Variants in OR2T1 observed in about 807,000 individuals in gnomAD.
OR2T1 encodes the protein olfactory receptor 2T1.
For synonymous variants in OR2T1, 186 were observed against 145.4 expected, an observed-to-expected ratio of 1.28 and a Z score of -2.01; for missense variants, 440 against 390.2, an observed-to-expected ratio of 1.13 and a Z score of -1.07.
intron 1 of OR2T1, among the ~76,000 whole-genome samples, chr1:248,404,920 T>A (rs1259920740): frequency 6.6e-6 from 1 of 152,110 alleles, no homozygotes; most frequent in East Asian, 1.9e-4. Context: ...AATGCTGTCA[T>A]TGGTGAGAGG....
Position 248,407,084 on chromosome 1 carries a change from G to C in OR2T1, c.937G>C (p.Val313Leu). The C allele has an allele frequency of 1.3e-6, 2 of 1,591,644 alleles. No homozygotes were observed. Among genetic ancestry groups the C allele is most frequent in the Non-Finnish European group, 1.7e-6 (2 of 1,170,108 alleles). The change falls in exon 2 of 2, where the codon GTG (valine) becomes CTG (leucine). Residue 313 changes from valine to leucine, a missense_variant. By Grantham distance (32) the Val-to-Leu change is conservative. Transcript: ENST00000642005. ...ALGRFKGPQR[V>L]SGGVF ...GGGGAGGTTCAAGGGTCCTCAAAGG[G>C]TGTCAGGAGGTGTCTTTTGACAGTC... is the stretch of plus-strand genomic sequence containing the variant.
Position 248,407,056 on chromosome 1 carries a change from C to A in OR2T1, c.909C>A (p.Ala303=), listed in dbSNP as rs768786296. ...ATGTGACTGGAGCTCTGAAGAGGGC[C>A]TTGGGGAGGTTCAAGGGTCCTCAAA... ...NKDVTGALKR[A]LGRFKGPQRV... The change falls in exon 2 of 2, where the codon GCC becomes GCA. Residue 303 remains alanine, a synonymous_variant. Coordinates refer to ENST00000642005, the MANE Select transcript of OR2T1 (RefSeq NM_030904.2). 1 of 1,612,726 alleles carries A rather than the reference C, an allele frequency of 6.2e-7. No individual in the cohort carries two copies. The highest frequency in any genetic ancestry group is 8.5e-7 in the Non-Finnish European group (1 of 1,179,328).
chr1:248,405,032 A>T (rs1465928631), intron 1 of OR2T1, among the ~76,000 whole-genome samples: 1 of 152,128 alleles, frequency 6.6e-6, no homozygotes, highest in African/African-American at 2.4e-5. Context: ...AAACTCCACG[A>T]TGTCATCATC....
At chr1:248,405,552 G>A (rs1661536927) in intron 1 of OR2T1, among the ~76,000 whole-genome samples, 1 of 152,068 alleles carries the variant, frequency 6.6e-6, no homozygotes, top group East Asian at 1.9e-4. Context: ...AGTTTCTGTT[G>A]CCCTTTTTAT....
In OR2T1 at chr1:248,406,972, GTT is replaced by G; in HGVS notation, c.828_829del (p.Phe276LeufsTer16). On this transcript the variant is annotated frameshift_variant, in exon 2 of 2. Coordinates refer to ENST00000642005, the MANE Select transcript of OR2T1 (RefSeq NM_030904.2). LOFTEE classifies it low-confidence loss of function (END_TRUNC). ...KPAQDKVLSV[F>X]YTILTPMLNP... ...CAGCCCAGGACAAAGTCCTCTCTGTGTTTTACACCATTCTCACACCCATGCTG... is the reference window on the plus strand; with the variant it reads ...CAGCCCAGGACAAAGTCCTCTCTGTGTTACACCATTCTCACACCCATGCTG... 2 of 1,614,094 alleles carry G rather than the reference GTT, an allele frequency of 1.2e-6. No homozygotes were observed. The highest frequency in any genetic ancestry group is 1.7e-6 in the Non-Finnish European group (2 of 1,179,984).
chr1:248,404,955 A>G (rs1661524486), intron 1 of OR2T1, among the ~76,000 whole-genome samples: 1 of 152,108 alleles, frequency 6.6e-6, no homozygotes, highest in Non-Finnish European at 1.5e-5. Flanking sequence ...CTCACTTCTT[A>G]GTTTTATTGT....
At chr1:248,405,121 G>A (rs1030303737) in intron 1 of OR2T1, among the ~76,000 whole-genome samples, 2 of 152,148 alleles carry the variant, frequency 1.3e-5, no homozygotes, top group Non-Finnish European at 2.9e-5. Context: ...AGGAGCACTA[G>A]ACTAGTTTGA....
Position 248,406,786 on chromosome 1 carries a change from C to T in OR2T1, c.639C>T (p.Val213=). Residue 213 remains valine, a synonymous_variant, in exon 2 of 2, where the codon GTC becomes GTT. Coordinates refer to ENST00000642005, the MANE Select transcript of OR2T1 (RefSeq NM_030904.2). The stretch of plus-strand genomic sequence containing the variant: ...TGCTGCTGATTCCTTTCTCTGTAGT[C>T]CTTGCTTCCTATGCCCGAATCCTGA... ...VLMLLIPFSV[V]LASYARILTT... is the part of the protein sequence containing the mutation. 6.2e-7 allele frequency: 1 copy of T among 1,614,170 alleles called. No homozygotes were observed. The highest frequency in any genetic ancestry group is 8.5e-7 in the Non-Finnish European group (1 of 1,180,028).
At position 248,407,003 on chromosome 1, in the gene OR2T1, C is replaced by G; in HGVS notation, c.856C>G (p.Pro286Ala). The stretch of plus-strand genomic sequence containing the variant: ...CACCATTCTCACACCCATGCTGAAC[C>G]CCCTCATCTACAGCCTTAGAAACAA... ...FYTILTPMLN[P>A]LIYSLRNKDV... The change falls in exon 2 of 2, where the codon CCC becomes GCC. Residue 286 changes from proline to alanine, a missense_variant. Coordinates refer to ENST00000642005, the MANE Select transcript of OR2T1 (RefSeq NM_030904.2). 1.2e-6 allele frequency: 2 copies of G among 1,614,068 alleles called. No individual in the cohort carries two copies. Among genetic ancestry groups the G allele is most frequent in the South Asian group, 1.1e-5 (1 of 91,082 alleles).
rs1204781621 is a variant in OR2T1, at chr1:248,406,452, T to C, written c.305T>C (p.Leu102Pro). 6.2e-7 allele frequency: 1 copy of C among 1,614,164 alleles called. No homozygotes were observed. The highest frequency in any genetic ancestry group is 8.5e-7 in the Non-Finnish European group (1 of 1,180,008). ...GTGGGGTGCACAGCTCAACACTTCCTCTACCTTACCCTTGTGGGAGCTGAA... is the reference window on the plus strand; with the variant it reads ...GTGGGGTGCACAGCTCAACACTTCCCCTACCTTACCCTTGTGGGAGCTGAA... ...SFVGCTAQHF[L>P]YLTLVGAEFF... is the part of the protein sequence containing the mutation. The change falls in exon 2 of 2, where the codon CTC becomes CCC. Residue 102 changes from leucine (L) to proline (P), a missense_variant. Leu to Pro is a moderately conservative substitution (Grantham distance 98). Transcript: ENST00000642005.
At position 248,407,094 on chromosome 1, in the gene OR2T1, G is replaced by C. The variant is rs750750938; in HGVS notation, c.947G>C (p.Gly316Ala). 1 of 1,588,934 alleles carries C rather than the reference G, an allele frequency of 6.3e-7. No individual in the cohort carries two copies. Among genetic ancestry groups the C allele is most frequent in the East Asian group, 2.2e-5 (1 of 44,730 alleles). The part of the protein sequence containing the change: ...RFKGPQRVSG[G>A]VF Reference sequence around the variant, plus strand: ...AAGGGTCCTCAAAGGGTGTCAGGAGGTGTCTTTTGACAGTCGACTCCTTCC... The same window carrying C: ...AAGGGTCCTCAAAGGGTGTCAGGAGCTGTCTTTTGACAGTCGACTCCTTCC... The change falls in exon 2 of 2, where the codon GGT becomes GCT. Residue 316 changes from glycine to alanine, a missense_variant. By Grantham distance (60) the Gly-to-Ala change is moderately conservative. Transcript: ENST00000642005.
At chr1:248,405,875 T>C in intron 1 of OR2T1, 1 of 814,968 alleles carries the variant, frequency 1.2e-6, no homozygotes, top group Admixed American at 2.7e-5. Flanking sequence ...CACATCATCG[T>C]AATACAGTAT....
At position 248,406,376 on chromosome 1, in the gene OR2T1, G is replaced by T; in HGVS notation, c.229G>T (p.Val77Leu). The T allele has an allele frequency of 6.2e-7, 1 of 1,614,044 alleles. No homozygotes were observed. Among genetic ancestry groups the T allele is most frequent in the Non-Finnish European group, 8.5e-7 (1 of 1,179,998 alleles). ...LIDMMYISTI[V>L]PKMLVNYLLD... ...TGACATGATGTATATTTCCACTATTGTGCCTAAGATGCTGGTTAATTACCT... is the reference window on the plus strand; with the variant it reads ...TGACATGATGTATATTTCCACTATTTTGCCTAAGATGCTGGTTAATTACCT... The change falls in exon 2 of 2, where the codon GTG (valine) becomes TTG (leucine). Residue 77 changes from valine to leucine, a missense_variant. Coordinates refer to ENST00000642005, the MANE Select transcript of OR2T1 (RefSeq NM_030904.2).
Position 248,406,177 on chromosome 1 carries a change from C to G in OR2T1, c.30C>G (p.Asp10Glu). Residue 10 changes from aspartate to glutamate, a missense_variant, in exon 2 of 2, where the codon GAC becomes GAG. Coordinates refer to ENST00000642005, the MANE Select transcript of OR2T1 (RefSeq NM_030904.2). The part of the protein sequence containing the change: MEEYNTSST[D>E]FTFMGLFNRK... ...AAGAGTACAACACATCCTCTACAGA[C>G]TTCACTTTCATGGGGCTGTTCAACA... The G allele has an allele frequency of 6.2e-7, 1 of 1,614,022 alleles. No individual in the cohort carries two copies. Among genetic ancestry groups the G allele is most frequent in the Non-Finnish European group, 8.5e-7 (1 of 1,179,940 alleles).
rs1314784817 is a variant in OR2T1 at position 248,407,269 on chromosome 1, T to C, written c.*165T>C. Reference sequence around the variant, plus strand: ...AACTCCATAGTTATGATGTTGTGGTTTTTTAGGCCTCAGAAAACTGAATCT... The same window carrying C: ...AACTCCATAGTTATGATGTTGTGGTCTTTTAGGCCTCAGAAAACTGAATCT... On this transcript the variant is annotated 3_prime_UTR_variant, in exon 2 of 2. Coordinates refer to ENST00000642005, the MANE Select transcript of OR2T1 (RefSeq NM_030904.2). The C allele has an allele frequency of 1.0e-5, 5 of 498,224 alleles. No homozygotes were observed. In the East Asian group the frequency reaches 1.7e-4, roughly 17 times the overall value. The allele number at this position is 498,224 out of a possible 1,614,324, so 30.9% of individuals were successfully genotyped here. A position where few individuals can be genotyped will look rare whatever the true frequency, so the allele number is the denominator to read the frequency against.
intron 1 of OR2T1, among the ~76,000 whole-genome samples, chr1:248,404,206 G>T (rs530311690): frequency 6.6e-6 from 1 of 152,244 alleles, no homozygotes; most frequent in Non-Finnish European, 1.5e-5. Context: ...GTGTGTGTGT[G>T]TGTGTATAAA....
At chr1:248,403,739 G>C (rs1197066692) in intron 1 of OR2T1, among the ~76,000 whole-genome samples, 1 of 152,140 alleles carries the variant, frequency 6.6e-6, no homozygotes, top group Non-Finnish European at 1.5e-5. Context: ...TCTAGTGAGA[G>C]AGCAGATAAT....
chr1:248,406,588 C>A lies in OR2T1; in HGVS notation c.441C>A (p.Ser147=), dbSNP rs2103083072. 1 of 1,614,160 alleles carries A rather than the reference C, an allele frequency of 6.2e-7. No homozygotes were observed. The highest frequency in any genetic ancestry group is 2.2e-5 in the East Asian group (1 of 44,886). The change falls in exon 2 of 2, where the codon TCC becomes TCA. Residue 147 remains serine, a synonymous_variant. Coordinates refer to ENST00000642005, the MANE Select transcript of OR2T1 (RefSeq NM_030904.2). ...TCTGTTGGATGATTATAGCAGGTTC[C>A]TGGTTTGGGGGCTCTTTGGATGGCT... ...RRVCWMIIAG[S]WFGGSLDGFL...
At chr1:248,404,286 C>G (rs1488085997) in intron 1 of OR2T1, among the ~76,000 whole-genome samples, 1 of 16 alleles carries the variant, frequency 0.062, no homozygotes, top group Non-Finnish European at 0.1. Flanking sequence ...GATTTTCCCT[C>G]TGTTTCTGGT....
Sources: gnomAD v4.1 joint callset for allele counts (sites outside exome capture counted in the v4.1 genomes callset) on GRCh38, gnomAD v4.1.1 for gene constraint, MANE v1.5 for transcripts, NCBI Gene and HGNC (gene_info 2026-07-23, HGNC 2026-07-21) for gene names.